RASSF5: variants seen among roughly 807,000 people sequenced by gnomAD.
RASSF5 encodes the protein Ras association domain family member 5, also known as ras association domain-containing protein 5.
Under a neutral mutation model 40.5 loss-of-function variants are expected in RASSF5, and 25 were observed. That is an observed-to-expected ratio of 0.62 (90% CI 0.45 to 0.86). RASSF5 has a LOEUF of 0.86. Among genes scored for constraint, RASSF5 ranks in the 40% least tolerant of loss-of-function variants. The probability of loss-of-function intolerance (pLI) is 0.00; values close to 1 mark genes in which losing one functional copy is unlikely to be tolerated. For synonymous variants in RASSF5, 246 were observed against 252.4 expected (o/e 0.97, Z 0.24); for missense variants, 521 against 572.8 (o/e 0.91, Z 0.92).
intron 2 of RASSF5, among the ~76,000 whole-genome samples, chr1:206,551,179 A>T (rs1331399625): frequency 6.6e-6 from 1 of 152,096 alleles, no homozygotes; most frequent in East Asian, 1.9e-4. Flanking sequence ...AGCAGAATAC[A>T]TTAGACCCCA....
rs1033034328 is a variant in RASSF5, at chr1:206,535,328, A to G, written c.458-2844A>G. 6.6e-6 allele frequency among the ~76,000 whole-genome samples: 1 copy of G among 152,210 alleles called. No individual in the cohort carries two copies. Among genetic ancestry groups the G allele is most frequent in the Non-Finnish European group, 1.5e-5 (1 of 68,038 alleles). On this transcript the variant is annotated intron_variant, in intron 1 of 5. Coordinates refer to ENST00000579436, the MANE Select transcript of RASSF5 (RefSeq NM_182663.4). The surrounding 1 kb of genome is among the most constrained non-coding windows in gnomAD (Gnocchi z 5.0). ...GCTGGTGACGAGCTGCCTTAAGGGA[A>G]CTGTGGTCTGTGGAGAATTAACCAC...
intron 1 of RASSF5, among the ~76,000 whole-genome samples, chr1:206,524,669 T>G (rs12730887): frequency 4.6e-4 from 28 of 60,232 alleles, no homozygotes; most frequent in Middle Eastern, 0.017. Context: ...ATAATATATA[T>G]TATATATAAT....
intron 1 of RASSF5, among the ~76,000 whole-genome samples, chr1:206,518,971 A>T (rs1293600802): frequency 6.6e-6 from 1 of 151,624 alleles, no homozygotes; most frequent in Non-Finnish European, 1.5e-5. Context: ...GGGAGCAGTG[A>T]TGTTTCCCAG....
chr1:206,538,239 T>A lies in RASSF5; in HGVS notation c.525T>A (p.Gly175=). 1 of 1,614,078 alleles carries A rather than the reference T, an allele frequency of 6.2e-7. No individual in the cohort carries two copies. The highest frequency in any genetic ancestry group is 8.5e-7 in the Non-Finnish European group (1 of 1,180,014). Residue 175 remains glycine (G), a synonymous_variant, in exon 2 of 6, where the codon GGT becomes GGA. Coordinates refer to ENST00000579436, the MANE Select transcript of RASSF5 (RefSeq NM_182663.4). ...LIQLDCSQQE[G]LSRDRPSPES... is the part of the protein sequence containing the mutation. ...AGTTGGACTGCAGTCAGCAGGAGGG[T>A]TTATCCCGGGACAGACCCTCTCCAG...
chr1:206,545,125 T>C (rs1667648111), intron 2 of RASSF5, among the ~76,000 whole-genome samples: 1 of 152,174 alleles, frequency 6.6e-6, no homozygotes, highest in Non-Finnish European at 1.5e-5. Flanking sequence ...GGGTCCCTTC[T>C]GGAAGCTTCA....
chr1:206,524,870 C>G lies in RASSF5; in HGVS notation c.458-13302C>G, dbSNP rs112448247. ...ATACACATGCACACATACACACACACACTCACACACACACACATGCACAGG... is the reference window on the plus strand; with the variant it reads ...ATACACATGCACACATACACACACAGACTCACACACACACACATGCACAGG... On this transcript the variant is annotated intron_variant, in intron 1 of 5. Transcript: ENST00000579436. Among the ~76,000 whole-genome samples, 749 of 150,742 alleles carry G rather than the reference C, an allele frequency of 5.0e-3. 4 individuals are homozygous for G. Among genetic ancestry groups the G allele is most frequent in the Non-Finnish European group, 8.6e-3 (581 of 67,912 alleles).
At chr1:206,581,622 CAG>C (rs3054488) in intron 2 of RASSF5, among the ~76,000 whole-genome samples, 34,361 of 146,920 alleles carry the variant, frequency 0.23, 4,377 homozygotes, top group Non-Finnish European at 0.29. Context: ...GAGAGAGAGA[CAG>C]AGAGAGAGGG....
intron 1 of RASSF5, among the ~76,000 whole-genome samples, chr1:206,519,932 T>C (rs1377047870): frequency 1.3e-5 from 2 of 152,170 alleles, no homozygotes; most frequent in East Asian, 3.9e-4. Context: ...GAGAAGAGAA[T>C]TGGACACCGA....
chr1:206,538,128 A>T (rs1667464050), intron 1 of RASSF5, 44 bp from the exon 2 acceptor site: 2 of 1,612,742 alleles, frequency 1.2e-6, no homozygotes, highest in Admixed American at 1.7e-5. Context: ...AGTGGGGAGG[A>T]ATCCTGCCTG....
Position 206,538,241 on chromosome 1 carries a change from T to C in RASSF5, c.527T>C (p.Leu176Ser). 1 of 1,614,198 alleles carries C rather than the reference T, an allele frequency of 6.2e-7. No individual in the cohort carries two copies. Among genetic ancestry groups the C allele is most frequent in the Non-Finnish European group, 8.5e-7 (1 of 1,180,030 alleles). Residue 176 changes from leucine to serine, a missense_variant, in exon 2 of 6, where the codon TTA (leucine) becomes TCA (serine). Physicochemically the swap from Leu to Ser is moderately radical, Grantham distance 145 (BLOSUM62 -2). Transcript: ENST00000579436. ...TTGGACTGCAGTCAGCAGGAGGGTT[T>C]ATCCCGGGACAGACCCTCTCCAGAA... The part of the protein sequence containing the change: ...IQLDCSQQEG[L>S]SRDRPSPEST...
intron 1 of RASSF5, among the ~76,000 whole-genome samples, chr1:206,523,489 T>TTAA (rs1553396444): frequency 4.0e-4 from 7 of 17,640 alleles, no homozygotes; most frequent in South Asian, 8.3e-3. Flanking sequence ...TATATAATAT[T>TTAA]ATATATTATA....
At chr1:206,523,526 T>TA (rs1229107902) in intron 1 of RASSF5, among the ~76,000 whole-genome samples, 1 of 100,092 alleles carries the variant, frequency 1.0e-5, no homozygotes, top group Non-Finnish European at 1.9e-5. Context: ...TATTATATAT[T>TA]TTATATATTA....
chr1:206,562,913 C>T (rs1668185402), intron 2 of RASSF5, among the ~76,000 whole-genome samples: 1 of 147,654 alleles, frequency 6.8e-6, no homozygotes, highest in Admixed American at 6.8e-5. Flanking sequence ...CAGAACGAGT[C>T]TCTGTCTCAA....
rs61094454 is a variant in RASSF5 at position 206,561,663 on chromosome 1, CTTT to C, written c.580-21589_580-21587del. ...TCTACAGTTAAATATTTTTCTTTTT[CTTT>C]TTTTTTTTTTTTTTTTGAGATGGAG... On this transcript the variant is annotated intron_variant, in intron 2 of 5. Coordinates refer to ENST00000579436, the MANE Select transcript of RASSF5 (RefSeq NM_182663.4). 3.3e-3 allele frequency among the ~76,000 whole-genome samples: 389 copies of C among 117,996 alleles called. 2 individuals carry two copies. The highest frequency in any genetic ancestry group is 0.012 in the African/African-American group (363 of 29,754). The allele number at this position is 117,996 out of a possible 152,430, so 77.4% of individuals were successfully genotyped here. A position where few individuals can be genotyped will look rare whatever the true frequency, so the allele number is the denominator to read the frequency against.
chr1:206,581,826 G>A (rs568137394), intron 2 of RASSF5, among the ~76,000 whole-genome samples: 7 of 152,056 alleles, frequency 4.6e-5, no homozygotes, highest in Non-Finnish European at 7.4e-5. Context: ...TCAGGGTGGC[G>A]TGTCTCCCAC....
intron 1 of RASSF5, among the ~76,000 whole-genome samples, chr1:206,536,209 G>T (rs1368449133): frequency 6.6e-6 from 1 of 152,182 alleles, no homozygotes; most frequent in East Asian, 1.9e-4. Flanking sequence ...ATGCATGTGG[G>T]TGCCTGCAGG....
chr1:206,529,749 A>C, intron 1 of RASSF5: 1 of 496,862 alleles, frequency 2.0e-6, no homozygotes, highest in South Asian at 2.0e-5. Flanking sequence ...TAATTAAAAT[A>C]CTACAATTTT....
At chr1:206,546,340 G>T (rs2103529877) in intron 2 of RASSF5, among the ~76,000 whole-genome samples, 1 of 151,690 alleles carries the variant, frequency 6.6e-6, no homozygotes, top group East Asian at 1.9e-4. Flanking sequence ...AGTGATCAGG[G>T]GCTCAAGTGA....
chr1:206,534,103 A>G (rs1667321279), intron 1 of RASSF5, among the ~76,000 whole-genome samples: 1 of 152,194 alleles, frequency 6.6e-6, no homozygotes, highest in Admixed American at 6.5e-5. Flanking sequence ...TTTTCTGTTT[A>G]AGTCACCTGG....
Sources: gnomAD v4.1 joint callset for allele counts (sites outside exome capture counted in the v4.1 genomes callset) on GRCh38, gnomAD v4.1.1 for gene constraint, Gnocchi (gnomAD v3.1) non-coding constraint, MANE v1.5 for transcripts, NCBI Gene and HGNC (gene_info 2026-07-23, HGNC 2026-07-21) for gene names.